Variants in CD8B observed in about 807,000 individuals in gnomAD.
CD8B encodes the protein CD8 subunit beta.
Under a neutral mutation model 24.2 loss-of-function variants are expected in CD8B, and 6 were observed. The ratio of observed to expected loss-of-function variants is 0.25; its 90% CI spans 0.14 to 0.49. The LOEUF (loss-of-function observed/expected upper bound fraction) is 0.49, where lower values mean the gene tolerates loss of function less well. Ranked by LOEUF, CD8B falls within the 20% of genes least tolerant of loss-of-function variation. The probability of loss-of-function intolerance (pLI) is 0.98; values close to 1 mark genes in which losing one functional copy is unlikely to be tolerated. For missense variants in CD8B, 196 were observed against 271.3 expected (o/e 0.72, Z 1.95); for synonymous variants, 84 against 108.3 (o/e 0.78, Z 1.39).
At position 86,838,600 on chromosome 2, in the gene CD8B, G is replaced by A. The variant is rs988884658; in HGVS notation, c.*3707C>T. On this transcript the variant is annotated 3_prime_UTR_variant, in exon 6 of 6. Coordinates refer to ENST00000390655, the MANE Select transcript of CD8B (RefSeq NM_004931.5). The stretch of plus-strand genomic sequence containing the variant: ...TGCAGTCTGAAACTCCTGGGGTCAG[G>A]AGATCCTCCCACCTCATCCTCCCTA... Among the ~76,000 whole-genome samples, 4 of 152,128 alleles carry A rather than the reference G, an allele frequency of 2.6e-5. No homozygotes were observed. Among genetic ancestry groups the A allele is most frequent in the Admixed American group, 2.0e-4 (3 of 15,276 alleles).
intron 5 of CD8B, among the ~76,000 whole-genome samples, chr2:86,826,639 A>T (rs1330873297): frequency 6.6e-6 from 1 of 152,138 alleles, no homozygotes; most frequent in Non-Finnish European, 1.5e-5. Context: ...AAGCGTGGCT[A>T]CTAAAAATGT....
intron 5 of CD8B, among the ~76,000 whole-genome samples, chr2:86,824,332 G>A (rs561645662): frequency 4.9e-4 from 74 of 152,200 alleles, no homozygotes; most frequent in African/African-American, 1.5e-3. Flanking sequence ...AAATCAGCCC[G>A]AAACCCCCAT....
downstream of CD8B, among the ~76,000 whole-genome samples, chr2:86,836,922 G>A (rs1295517149): frequency 1.3e-5 from 2 of 152,130 alleles, no homozygotes; most frequent in Admixed American, 6.5e-5. Flanking sequence ...TTGGGAGGCC[G>A]AGATGGATGG....
At chr2:86,853,517 G>A (rs1448278175) in intron 2 of CD8B, among the ~76,000 whole-genome samples, 1 of 151,886 alleles carries the variant, frequency 6.6e-6, no homozygotes, top group Non-Finnish European at 1.5e-5. Context: ...TGTTCCCCAG[G>A]CTGCTACAGG....
At chr2:86,837,113 C>T (rs1365624598), downstream of CD8B, among the ~76,000 whole-genome samples, 10 of 152,208 alleles carry the variant, frequency 6.6e-5, no homozygotes, top group Non-Finnish European at 1.3e-4. Flanking sequence ...GCTATAAGTG[C>T]GCCACTACAC....
chr2:86,851,344 T>C (rs1401473925), intron 3 of CD8B, among the ~76,000 whole-genome samples: 2 of 152,152 alleles, frequency 1.3e-5, no homozygotes, highest in African/African-American at 4.8e-5. Context: ...TAAACTGATG[T>C]TGCCGGGTTC....
At chr2:86,845,552 T>G (rs1225163224) in intron 4 of CD8B, among the ~76,000 whole-genome samples, 1 of 152,224 alleles carries the variant, frequency 6.6e-6, no homozygotes, top group Non-Finnish European at 1.5e-5. Flanking sequence ...CTCCTCAGCC[T>G]CTCGAGTACG....
rs1249494641 is a variant in CD8B, at chr2:86,838,699, G to C, written c.*3608C>G. On this transcript the variant is annotated 3_prime_UTR_variant, in exon 6 of 6. Coordinates refer to ENST00000390655, the MANE Select transcript of CD8B (RefSeq NM_004931.5). Reference sequence around the variant, plus strand: ...AAATTTTTTGTAGAGTCGAGGTCTTGCTATGTTGCCTAGGCTGCTCTCAAA... The same window carrying C: ...AAATTTTTTGTAGAGTCGAGGTCTTCCTATGTTGCCTAGGCTGCTCTCAAA... Among the ~76,000 whole-genome samples, 1 of 152,098 alleles carries C rather than the reference G, an allele frequency of 6.6e-6. No homozygotes were observed. Among genetic ancestry groups the C allele is most frequent in the African/African-American group, 2.4e-5 (1 of 41,402 alleles).
At chr2:86,825,917 CAG>C (rs1432017311) in intron 5 of CD8B, among the ~76,000 whole-genome samples, 1 of 152,040 alleles carries the variant, frequency 6.6e-6, no homozygotes, top group African/African-American at 2.4e-5. Flanking sequence ...CAGGAGGAGA[CAG>C]GGGTGCCATT....
At chr2:86,818,227 AAAAT>A (rs936256759) in intron 5 of CD8B, among the ~76,000 whole-genome samples, 4 of 152,030 alleles carry the variant, frequency 2.6e-5, no homozygotes, top group African/African-American at 7.2e-5. Flanking sequence ...TAAATAAATA[AAAAT>A]AAATAAATAA....
In CD8B at chr2:86,839,740, C is replaced by T. The variant is rs532141553; in HGVS notation, c.*2567G>A. Reference sequence around the variant, plus strand: ...AATTGCAAAGACAGCAGCAGGGAGACGGTCAAATTTCAAAGCCTGCAGTGG... The same window carrying T: ...AATTGCAAAGACAGCAGCAGGGAGATGGTCAAATTTCAAAGCCTGCAGTGG... On this transcript the variant is annotated 3_prime_UTR_variant, in exon 6 of 6. Coordinates refer to ENST00000390655, the MANE Select transcript of CD8B (RefSeq NM_004931.5). 0.019 allele frequency among the ~76,000 whole-genome samples: 2,862 copies of T among 152,348 alleles called. 88 individuals are homozygous for T. The highest frequency in any genetic ancestry group is 0.065 in the African/African-American group (2,692 of 41,562).
At chr2:86,860,366 C>T (rs998526632) in intron 1 of CD8B, among the ~76,000 whole-genome samples, 1 of 152,184 alleles carries the variant, frequency 6.6e-6, no homozygotes, top group African/African-American at 2.4e-5. Flanking sequence ...CTCTTGTTTC[C>T]CCAAACACCA....
At chr2:86,834,132 TC>T (rs1675071368), downstream of CD8B, among the ~76,000 whole-genome samples, 1 of 152,144 alleles carries the variant, frequency 6.6e-6, no homozygotes, top group Non-Finnish European at 1.5e-5. Flanking sequence ...GCTTCTACTT[TC>T]CCGGGGACCC....
chr2:86,817,392 C>A (rs1385795532), intron 5 of CD8B, among the ~76,000 whole-genome samples: 1 of 151,916 alleles, frequency 6.6e-6, no homozygotes, highest in Non-Finnish European at 1.5e-5. Flanking sequence ...TAATTATAAA[C>A]TAATATCTAA....
At chr2:86,817,412 G>A (rs1383742931) in intron 5 of CD8B, among the ~76,000 whole-genome samples, 1 of 151,994 alleles carries the variant, frequency 6.6e-6, no homozygotes, top group African/African-American at 2.4e-5. Flanking sequence ...ATAGGGGAAT[G>A]AATAAAATTG....
chr2:86,832,010 A>T (rs747561629), intron 5 of CD8B, among the ~76,000 whole-genome samples: 1 of 152,184 alleles, frequency 6.6e-6, no homozygotes, highest in Non-Finnish European at 1.5e-5. Flanking sequence ...TGCTGTAAGG[A>T]AGGTATCAGT....
At position 86,846,202 on chromosome 2, in the gene CD8B, C is replaced by T. The variant is rs1238585886; in HGVS notation, c.583+482G>A. Among the ~76,000 whole-genome samples, 4 of 152,366 alleles carry T rather than the reference C, an allele frequency of 2.6e-5. No individual in the cohort carries two copies. In the East Asian group the frequency reaches 5.8e-4, roughly 22 times the overall value. The stretch of plus-strand genomic sequence containing the variant: ...GAGCAGCAGTCATTTCTGTTTCCCA[C>T]AGCCTCATCAATATCGGTGTCGTGG... On this transcript the variant is annotated intron_variant, in intron 4 of 5. Transcript: ENST00000390655.
At chr2:86,860,843 T>TC (rs1385363374) in intron 1 of CD8B, among the ~76,000 whole-genome samples, 3 of 152,154 alleles carry the variant, frequency 2.0e-5, no homozygotes, top group Admixed American at 2.0e-4. Flanking sequence ...CCCCGGCTCT[T>TC]CCCGGGGCCC....
chr2:86,860,763 C>T lies in CD8B; in HGVS notation c.43+1060G>A, dbSNP rs147680150. Among the ~76,000 whole-genome samples, 1,124 of 152,344 alleles carry T rather than the reference C, an allele frequency of 7.4e-3. 15 individuals carry two copies. The highest frequency in any genetic ancestry group is 0.026 in the African/African-American group (1,065 of 41,576). ...GGTGCCCGAAGCCCTTCCGGGAAAA[C>T]CCAGAAGCGACTCCTGTAAGAGCAA... On this transcript the variant is annotated intron_variant, in intron 1 of 5. Coordinates refer to ENST00000390655, the MANE Select transcript of CD8B (RefSeq NM_004931.5).
Sources: gnomAD v4.1 joint callset for allele counts (sites outside exome capture counted in the v4.1 genomes callset) on GRCh38, gnomAD v4.1.1 for gene constraint, MANE v1.5 for transcripts, NCBI Gene and HGNC (gene_info 2026-07-23, HGNC 2026-07-21) for gene names.